PRKDC: variants seen among roughly 807,000 people sequenced by gnomAD.
PRKDC encodes the protein protein kinase, DNA-activated, catalytic subunit.
In PRKDC, 82 loss-of-function variants were observed where a neutral mutation model predicts 486.9. The ratio of observed to expected loss-of-function variants is 0.17; its 90% confidence interval spans 0.14 to 0.20. The LOEUF (loss-of-function observed/expected upper bound fraction) is 0.20. Ranked by LOEUF, PRKDC falls within the 10% of genes least tolerant of loss-of-function variation. PRKDC has a pLI of 1.00. For missense variants in PRKDC, 4,504 were observed against 5,038.2 expected, an observed-to-expected ratio of 0.89 and a Z score of 3.21; for synonymous variants, 1,895 against 1,837.0, an observed-to-expected ratio of 1.03 and a Z score of -0.81.
At chr8:47,789,306 A>T (rs539608279) in intron 74 of PRKDC, 68 bp from the exon 75 acceptor site, 2 of 705,094 alleles carry the variant, frequency 2.8e-6, no homozygotes, top group Admixed American at 7.2e-5. Flanking sequence ...TATTTTATAT[A>T]CCATACATAT....
At chr8:47,822,308 CA>C (rs2087618794) in intron 64 of PRKDC, among the ~76,000 whole-genome samples, 1 of 148,340 alleles carries the variant, frequency 6.7e-6, no homozygotes, top group Non-Finnish European at 1.5e-5. Context: ...AAAAAAGCCA[CA>C]AAAATCCTAA....
At chr8:47,832,369 G>A (rs1435014024) in intron 59 of PRKDC, among the ~76,000 whole-genome samples, 1 of 152,186 alleles carries the variant, frequency 6.6e-6, no homozygotes, top group Admixed American at 6.5e-5. Context: ...GGAGACACCA[G>A]CCTTAACCTC....
chr8:47,853,634 C>G (rs2088466864), intron 51 of PRKDC, among the ~76,000 whole-genome samples: 1 of 152,204 alleles, frequency 6.6e-6, no homozygotes, highest in African/African-American at 2.4e-5. Flanking sequence ...GAGCCCAGAA[C>G]AAAGCCTTCC....
Position 47,953,713 on chromosome 8 carries a change from A to T in PRKDC, c.628T>A (p.Ser210Thr), listed in dbSNP as rs2090660859. 6.2e-7 allele frequency: 1 copy of T among 1,611,006 alleles called. No homozygotes were observed. Among genetic ancestry groups the T allele is most frequent in the African/African-American group, 1.3e-5 (1 of 74,874 alleles). The change falls in exon 7 of 86, where the codon TCA (serine) becomes ACA (threonine). Residue 210 changes from serine to threonine, a missense_variant. By Grantham distance (58) the Ser-to-Thr change is moderately conservative (BLOSUM62 1). Around this residue, in one of 6 missense-constraint regions of PRKDC, gnomAD observed 1,969 missense variants for 2,068.9 expected, o/e 0.95. Coordinates refer to ENST00000314191, the MANE Select transcript of PRKDC (RefSeq NM_006904.7). ...FLGELKTQMT[S>T]AVREPKLPVL... is the part of the protein sequence containing the mutation. ...GGTAGTTTGGGCTCTCTTACTGCTG[A>T]TGTCATCTAAAAGAAAAGATTTAAG...
chr8:47,862,128 C>A lies in PRKDC; in HGVS notation c.5920-1G>T. On this transcript the variant is annotated splice_acceptor_variant, in intron 43 of 85. Coordinates refer to ENST00000314191, the MANE Select transcript of PRKDC (RefSeq NM_006904.7). LOFTEE classifies it high-confidence loss of function. ...TCAGATTTTCAAAAATAAGCAAGTT[C>A]TGTGAATACAAAGAATCATATAAAA... 1 of 1,545,732 alleles carries A rather than the reference C, an allele frequency of 6.5e-7. No individual in the cohort carries two copies. Among genetic ancestry groups the A allele is most frequent in the South Asian group, 1.2e-5 (1 of 82,914 alleles).
chr8:47,861,419 C>A (rs1366004860), intron 44 of PRKDC, among the ~76,000 whole-genome samples: 1 of 152,170 alleles, frequency 6.6e-6, no homozygotes. Flanking sequence ...TGAACATATG[C>A]CTAGAAAACA....
intron 36 of PRKDC, among the ~76,000 whole-genome samples, chr8:47,883,352 A>T (rs778616226): frequency 6.6e-6 from 1 of 152,246 alleles, no homozygotes; most frequent in Non-Finnish European, 1.5e-5. Flanking sequence ...CTTTTATTGT[A>T]GTGAAACCCC....
Position 47,782,395 on chromosome 8 carries a change from A to G in PRKDC, c.11379T>C (p.Val3793=), listed in dbSNP as rs55769154. The change falls in exon 79 of 86, where the codon GTT becomes GTC. Residue 3793 remains valine (V), a synonymous_variant. Transcript: ENST00000314191. This position sits in a 1 kb window ranked among gnomAD's most constrained non-coding sequence, Gnocchi z 4.9. Reference sequence around the variant, plus strand: ...GCAGTTACCTGGAGGTCATGGGCACAACGCTATAGGTCCTCAGCTGCAGGG... The same window carrying G: ...GCAGTTACCTGGAGGTCATGGGCACGACGCTATAGGTCCTCAGCTGCAGGG... ...QRALQLRTYS[V]VPMTSRLGLI... 4.6e-4 allele frequency: 734 copies of G among 1,604,936 alleles called. 6 individuals carry two copies. The East Asian group carries it at 0.015, about 32-fold the overall frequency.
intron 21 of PRKDC, 120 bp from the exon 22 acceptor site, chr8:47,918,503 A>T: frequency 1.6e-6 from 1 of 637,486 alleles, no homozygotes; most frequent in Non-Finnish European, 2.4e-6. Context: ...ATGATTTAAA[A>T]AAATTAAGTT....
chr8:47,859,886 T>C (rs937682870), intron 45 of PRKDC, 127 bp from the exon 46 acceptor site: 6 of 966,396 alleles, frequency 6.2e-6, no homozygotes, highest in Non-Finnish European at 7.5e-6. Flanking sequence ...AAGCCAGTGA[T>C]TATTAACCTA....
At chr8:47,865,561 T>G (rs1223440864) in intron 40 of PRKDC, among the ~76,000 whole-genome samples, 9 of 152,070 alleles carry the variant, frequency 5.9e-5, no homozygotes, top group Non-Finnish European at 7.3e-5. Context: ...ATCTATAAAT[T>G]AAGAATGCAG....
chr8:47,885,321 T>G (rs1422930532), intron 36 of PRKDC, among the ~76,000 whole-genome samples: 17 of 151,490 alleles, frequency 1.1e-4, no homozygotes, highest in Non-Finnish European at 4.4e-5. Context: ...CTGGCTAATT[T>G]TTTGTATTTT....
At chr8:47,863,690 T>G in intron 41 of PRKDC, 113 bp from the exon 42 acceptor site, 3 of 865,422 alleles carry the variant, frequency 3.5e-6, no homozygotes, top group Non-Finnish European at 5.2e-6. Context: ...ATTTTAACAG[T>G]CAAAAATGCT....
chr8:47,777,750 G>A lies in PRKDC; in HGVS notation c.11978C>T (p.Ser3993Leu), dbSNP rs1554623574. ...IMVHALRAFRSDPGLLTNTMD... is the reference protein window; with the variant it reads ...IMVHALRAFRLDPGLLTNTMD... ...GGTGTTGGTGAGCAGGCCAGGGTCTGAGCGGAAGGCCCGGAGTGCGTGTAC... is the reference window on the plus strand; with the variant it reads ...GGTGTTGGTGAGCAGGCCAGGGTCTAAGCGGAAGGCCCGGAGTGCGTGTAC... Residue 3993 changes from serine (S) to leucine (L), a missense_variant, in exon 84 of 86, where the codon TCA (serine) becomes TTA (leucine). Ser to Leu is a moderately radical substitution (Grantham distance 145). Around this residue, in one of 6 missense-constraint regions of PRKDC, gnomAD observed 706 missense variants for 945.0 expected, o/e 0.75. Transcript: ENST00000314191. 2 of 1,613,892 alleles carry A rather than the reference G, an allele frequency of 1.2e-6. No individual in the cohort carries two copies. Among genetic ancestry groups the A allele is most frequent in the Non-Finnish European group, 1.7e-6 (2 of 1,179,792 alleles).
intron 50 of PRKDC, 57 bp downstream of exon 50, chr8:47,855,165 A>G: frequency 4.9e-6 from 7 of 1,419,436 alleles, no homozygotes; most frequent in Non-Finnish European, 6.7e-6. Flanking sequence ...ATCATTTACG[A>G]CACACTACAT....
chr8:47,785,902 C>T (rs989114831), intron 76 of PRKDC, among the ~76,000 whole-genome samples: 15 of 151,230 alleles, frequency 9.9e-5, no homozygotes, highest in African/African-American at 2.7e-4. Context: ...CTCAGGAGTT[C>T]GAGACAAGCC....
chr8:47,904,271 T>C (rs2089733454), intron 26 of PRKDC, among the ~76,000 whole-genome samples: 1 of 152,166 alleles, frequency 6.6e-6, no homozygotes, highest in Non-Finnish European at 1.5e-5. Context: ...TTCTTTGTTT[T>C]TGAGACAGAG....
intron 7 of PRKDC, among the ~76,000 whole-genome samples, chr8:47,949,912 G>C (rs559444756): frequency 2.4e-4 from 37 of 152,336 alleles, no homozygotes; most frequent in South Asian, 4.1e-4. Context: ...AAGTAATTTT[G>C]TAAGTTTCAA....
At chr8:47,891,022 A>G (rs2089445226) in intron 31 of PRKDC, among the ~76,000 whole-genome samples, 2 of 152,172 alleles carry the variant, frequency 1.3e-5, no homozygotes, top group African/African-American at 4.8e-5. Flanking sequence ...ATCTTATGGA[A>G]TCAACTTTCA....
Sources: allele counts gnomAD v4.1 joint callset (sites outside exome capture counted in the v4.1 genomes callset), GRCh38; gene constraint gnomAD v4.1.1; regional missense constraint gnomAD v4.1.1; non-coding constraint Gnocchi (gnomAD v3.1); transcripts MANE v1.5; gene names NCBI Gene and HGNC (gene_info 2026-07-23, HGNC 2026-07-21).